The following TRIB2 variants were observed in gnomAD, a reference collection of about 807,000 sequenced individuals.
TRIB2 encodes tribbles homolog 2.
In TRIB2, 2 loss-of-function variants were observed where a neutral mutation model predicts 26.8. The ratio of observed to expected loss-of-function variants is 0.07; its 90% CI spans 0.03 to 0.24. TRIB2 has a LOEUF of 0.24. Among genes scored for constraint, TRIB2 ranks in the 10% least tolerant of loss-of-function variants. The pLI, the probability that TRIB2 is intolerant of heterozygous loss-of-function variation, is 1.00. For synonymous variants in TRIB2, 189 were observed against 187.3 expected, an observed-to-expected ratio of 1.01 and a Z score of -0.08; for missense variants, 306 against 449.0, an observed-to-expected ratio of 0.68 and a Z score of 2.88.
chr2:12,737,151 G>A (rs576700388), intron 2 of TRIB2, among the ~76,000 whole-genome samples: 4 of 152,198 alleles, frequency 2.6e-5, no homozygotes, highest in Non-Finnish European at 5.9e-5. Context: ...ACCTGGATGA[G>A]CTGCATCACC....
At chr2:12,733,442 T>C (rs1174097405) in intron 2 of TRIB2, among the ~76,000 whole-genome samples, 1 of 152,242 alleles carries the variant, frequency 6.6e-6, no homozygotes, top group Non-Finnish European at 1.5e-5. Context: ...ACAATGGCGT[T>C]AGAGTCCAGA....
Position 12,717,789 on chromosome 2 carries a change from C to G in TRIB2, c.-519C>G. 1 of 318,486 alleles carries G rather than the reference C, an allele frequency of 3.1e-6. No individual in the cohort carries two copies. Among genetic ancestry groups the G allele is most frequent in the Non-Finnish European group, 5.7e-6 (1 of 176,020 alleles). The allele number at this position is 318,486 out of a possible 1,614,324, so 19.7% of individuals were successfully genotyped here. On this transcript the variant is annotated 5_prime_UTR_variant, in exon 1 of 3. Transcript: ENST00000155926. The surrounding 1 kb of genome is among the most constrained non-coding windows in gnomAD (Gnocchi z 4.8). Reference sequence around the variant, plus strand: ...ATTCTGGCTGCCGTGCGTCGCCAGCCGGTAGACCCGTGCTTGTTTCCTTTC... The same window carrying G: ...ATTCTGGCTGCCGTGCGTCGCCAGCGGGTAGACCCGTGCTTGTTTCCTTTC...
Position 12,740,897 on chromosome 2 carries a change from A to T in TRIB2, c.*103A>T. ...ATTGCCTGGCTGAGTAGCAAGAAAGACACACTCTTAAGTTTCTTGGTTCAG... is the reference window on the plus strand; with the variant it reads ...ATTGCCTGGCTGAGTAGCAAGAAAGTCACACTCTTAAGTTTCTTGGTTCAG... On this transcript the variant is annotated 3_prime_UTR_variant, in exon 3 of 3. Transcript: ENST00000155926. The surrounding 1 kb of genome is among the most constrained non-coding windows in gnomAD (Gnocchi z 5.8). 9.1e-7 allele frequency: 1 copy of T among 1,099,070 alleles called. No homozygotes were observed. The highest frequency in any genetic ancestry group is 1.3e-6 in the Non-Finnish European group (1 of 768,642). The allele number at this position is 1,099,070 out of a possible 1,614,324, so 68.1% of individuals were successfully genotyped here.
intron 2 of TRIB2, among the ~76,000 whole-genome samples, chr2:12,730,185 A>G (rs995472182): frequency 4.6e-5 from 7 of 152,160 alleles, no homozygotes; most frequent in Non-Finnish European, 1.0e-4. Flanking sequence ...ATAACATGTG[A>G]TTCACCAATT....
Position 12,740,667 on chromosome 2 carries a change from T to C in TRIB2, c.905T>C (p.Ile302Thr). The C allele has an allele frequency of 6.2e-7, 1 of 1,614,200 alleles. No homozygotes were observed. Among genetic ancestry groups the C allele is most frequent in the Non-Finnish European group, 8.5e-7 (1 of 1,180,036 alleles). ...EPSERLTSQE[I>T]LDHPWFSTDF... ...TCAGAGCGGCTGACCTCGCAGGAAA[T>C]TCTGGACCATCCTTGGTTTTCTACA... is the stretch of plus-strand genomic sequence containing the variant. Residue 302 changes from isoleucine (I) to threonine (T), a missense_variant, in exon 3 of 3, where the codon ATT (isoleucine) becomes ACT (threonine). Ile to Thr is a moderately conservative substitution (Grantham distance 89). This residue lies in a region of TRIB2 where 78 missense variants were observed against 104.9 expected (regional missense o/e 0.74). Transcript: ENST00000155926. The surrounding 1 kb of genome is among the most constrained non-coding windows in gnomAD (Gnocchi z 5.8).
chr2:12,724,179 C>A (rs1010666244), intron 2 of TRIB2, among the ~76,000 whole-genome samples: 1 of 152,086 alleles, frequency 6.6e-6, no homozygotes, highest in Non-Finnish European at 1.5e-5. Context: ...AGCCAAGACT[C>A]GAAAGATGAC....
Position 12,740,100 on chromosome 2 carries a change from AGACCTT to A in TRIB2, c.564-224_564-219del, listed in dbSNP as rs1165553062. Among the ~76,000 whole-genome samples, 1 of 152,212 alleles carries A rather than the reference AGACCTT, an allele frequency of 6.6e-6. No homozygotes were observed. The highest frequency in any genetic ancestry group is 1.5e-5 in the Non-Finnish European group (1 of 68,040). On this transcript the variant is annotated intron_variant, in intron 2 of 2. Transcript: ENST00000155926. This position sits in a 1 kb window ranked among gnomAD's most constrained non-coding sequence, Gnocchi z 5.8. ...CCAGTGGATTATCAGCTGCATGAAA[AGACCTT>A]GTCAGTCTTGTTCACCCATGTGGGT...
At chr2:12,724,813 G>T (rs746954188) in intron 2 of TRIB2, 1 of 1,611,778 alleles carries the variant, frequency 6.2e-7, no homozygotes, top group Non-Finnish European at 8.5e-7. Context: ...ATTGGTGTAT[G>T]TGCTTCTTTG....
chr2:12,736,638 A>G (rs911243971), intron 2 of TRIB2, among the ~76,000 whole-genome samples: 1 of 152,192 alleles, frequency 6.6e-6, no homozygotes, highest in Admixed American at 6.5e-5. Context: ...ACAGCAGGAC[A>G]GTCCCTGTCA....
intron 1 of TRIB2, among the ~76,000 whole-genome samples, chr2:12,721,976 A>G (rs1661230655): frequency 6.6e-6 from 1 of 152,158 alleles, no homozygotes; most frequent in African/African-American, 2.4e-5. Context: ...CAGAGCTTTT[A>G]TCAGATTTTA....
chr2:12,735,475 C>T (rs6748005), intron 2 of TRIB2, among the ~76,000 whole-genome samples: 38,988 of 151,750 alleles, frequency 0.26, 7,017 homozygotes, highest in African/African-American at 0.51. Flanking sequence ...TAGGTGGGGT[C>T]AGGCCTAAGG....
At position 12,740,470 on chromosome 2, in the gene TRIB2, C is replaced by T. The variant is rs767201489; in HGVS notation, c.708C>T (p.Asp236=). ...TSGSYSGKAA[D]VWSLGVMLYT... Reference sequence around the variant, plus strand: ...GCAGCTACTCGGGCAAAGCAGCCGACGTGTGGAGCCTGGGGGTGATGCTGT... The same window carrying T: ...GCAGCTACTCGGGCAAAGCAGCCGATGTGTGGAGCCTGGGGGTGATGCTGT... Residue 236 remains aspartate (D), a synonymous_variant, in exon 3 of 3, where the codon GAC becomes GAT. Transcript: ENST00000155926. This position sits in a 1 kb window ranked among gnomAD's most constrained non-coding sequence, Gnocchi z 5.8. 43 of 1,614,026 alleles carry T rather than the reference C, an allele frequency of 2.7e-5. No homozygotes were observed. Among genetic ancestry groups the T allele is most frequent in the African/African-American group, 1.1e-4 (8 of 74,904 alleles).
rs1351774399 is a variant in TRIB2, at chr2:12,742,026, C to T, written c.*1232C>T. 1 of 152,660 alleles carries T rather than the reference C, an allele frequency of 6.6e-6. No homozygotes were observed. The highest frequency in any genetic ancestry group is 1.5e-5 in the Non-Finnish European group (1 of 68,054). The allele number at this position is 152,660 out of a possible 1,614,324, so 9.5% of individuals were successfully genotyped here. A position where few individuals can be genotyped will look rare whatever the true frequency, so the allele number is the denominator to read the frequency against. Reference sequence around the variant, plus strand: ...ATTGTGATGTATTAAGCCAGTACTTCAATTACGGGTTGACTTGGGATGACA... The same window carrying T: ...ATTGTGATGTATTAAGCCAGTACTTTAATTACGGGTTGACTTGGGATGACA... On this transcript the variant is annotated 3_prime_UTR_variant, in exon 3 of 3. Coordinates refer to ENST00000155926, the MANE Select transcript of TRIB2 (RefSeq NM_021643.4).
rs1309486487 is a variant in TRIB2, at chr2:12,718,730, G to A, written c.270+153G>A. 1.3e-5 allele frequency among the ~76,000 whole-genome samples: 2 copies of A among 152,182 alleles called. No individual in the cohort carries two copies. Among genetic ancestry groups the A allele is most frequent in the Non-Finnish European group, 2.9e-5 (2 of 68,030 alleles). On this transcript the variant is annotated intron_variant, in intron 1 of 2. Coordinates refer to ENST00000155926, the MANE Select transcript of TRIB2 (RefSeq NM_021643.4). This position sits in a 1 kb window ranked among gnomAD's most constrained non-coding sequence, Gnocchi z 4.0. ...TTATTTATTTGCTCAGGTTCGGTAA[G>A]TTGCGAAGTTTTTAGACCGTTTCAG...
Position 12,732,075 on chromosome 2 carries a change from G to T in TRIB2, c.564-8251G>T, listed in dbSNP as rs971622276. On this transcript the variant is annotated intron_variant, in intron 2 of 2. Transcript: ENST00000155926. This position sits in a 1 kb window ranked among gnomAD's most constrained non-coding sequence, Gnocchi z 4.2. Reference sequence around the variant, plus strand: ...CTTGGGTTTCCCTTTCTGTTCCTATGGCGACAGGATGGACTTCCTCTGTGA... The same window carrying T: ...CTTGGGTTTCCCTTTCTGTTCCTATTGCGACAGGATGGACTTCCTCTGTGA... Among the ~76,000 whole-genome samples, 2 of 152,134 alleles carry T rather than the reference G, an allele frequency of 1.3e-5. No individual in the cohort carries two copies. Among genetic ancestry groups the T allele is most frequent in the African/African-American group, 4.8e-5 (2 of 41,436 alleles).
At chr2:12,734,007 G>A (rs1661516355) in intron 2 of TRIB2, among the ~76,000 whole-genome samples, 2 of 152,328 alleles carry the variant, frequency 1.3e-5, no homozygotes, top group South Asian at 4.1e-4. Context: ...ACAAGGCCTG[G>A]CACTGGGCTG....
chr2:12,725,826 T>C (rs989279393), intron 2 of TRIB2, among the ~76,000 whole-genome samples: 1 of 152,258 alleles, frequency 6.6e-6, no homozygotes, highest in Admixed American at 6.5e-5. Context: ...ATATAGTCCC[T>C]ACAGCATGGT....
intron 2 of TRIB2, among the ~76,000 whole-genome samples, chr2:12,734,573 G>C (rs115555850): frequency 0.011 from 1,728 of 152,192 alleles, 28 homozygotes; most frequent in African/African-American, 0.04. Context: ...TAATAAGATC[G>C]ATCATTATTG....
chr2:12,717,411 G>A lies in TRIB2; in HGVS notation c.-897G>A. On this transcript the variant is annotated 5_prime_UTR_variant, in exon 1 of 3. Coordinates refer to ENST00000155926, the MANE Select transcript of TRIB2 (RefSeq NM_021643.4). This position sits in a 1 kb window ranked among gnomAD's most constrained non-coding sequence, Gnocchi z 4.8. ...GTCCTCGTTCTCTCCTGCACGTCTG[G>A]CTGCATTCGGAGGAAGACCTGGGGC... 1 of 398,492 alleles carries A rather than the reference G, an allele frequency of 2.5e-6. No homozygotes were observed. Among genetic ancestry groups the A allele is most frequent in the Non-Finnish European group, 4.4e-6 (1 of 225,998 alleles). 24.7% of individuals were successfully genotyped at this position (398,492 alleles called of 1,614,324 possible).
Sources: allele counts gnomAD v4.1 joint callset (sites outside exome capture counted in the v4.1 genomes callset), GRCh38; gene constraint gnomAD v4.1.1; regional missense constraint gnomAD v4.1.1; non-coding constraint Gnocchi (gnomAD v3.1); transcripts MANE v1.5; gene names NCBI Gene and HGNC (gene_info 2026-07-23, HGNC 2026-07-21).